The following RDH14 variants were observed in gnomAD, a reference collection of about 807,000 sequenced individuals.
The protein encoded by RDH14 is alcohol dehydrogenase PAN2.
Under a neutral mutation model 19.3 loss-of-function variants are expected in RDH14, and 17 were observed. The ratio of observed to expected loss-of-function variants is 0.88; its 90% CI spans 0.60 to 1.32. The LOEUF is 1.32. Ranked by LOEUF, RDH14 falls within the 40% of genes most tolerant of loss-of-function variation. The probability of loss-of-function intolerance (pLI) is 0.00; values close to 1 mark genes in which losing one functional copy is unlikely to be tolerated. For synonymous variants in RDH14, 215 were observed against 188.9 expected (o/e 1.14, Z -1.13); for missense variants, 534 against 449.2 (o/e 1.19, Z -1.71).
chr2:18,560,072 G>T, intron 1 of RDH14, 108 bp downstream of exon 1: 1 of 1,243,142 alleles, frequency 8.0e-7, no homozygotes, highest in Non-Finnish European at 1.1e-6. Flanking sequence ...TTCCCAAGGT[G>T]ACACCCTGAA....
intron 1 of RDH14, among the ~76,000 whole-genome samples, chr2:18,557,089 T>C (rs552503620): frequency 1.1e-4 from 16 of 152,326 alleles, no homozygotes; most frequent in African/African-American, 3.8e-4. Flanking sequence ...AACTTATGCT[T>C]CTGTATCTTT....
intron 1 of RDH14, among the ~76,000 whole-genome samples, chr2:18,558,188 C>T (rs1402831432): frequency 6.6e-6 from 1 of 152,164 alleles, no homozygotes; most frequent in Admixed American, 6.5e-5. Context: ...CTACCTAGAA[C>T]AGGAAATGAG....
At chr2:18,556,355 T>C (rs1180967343) in intron 1 of RDH14, among the ~76,000 whole-genome samples, 1 of 152,186 alleles carries the variant, frequency 6.6e-6, no homozygotes, top group Non-Finnish European at 1.5e-5. Flanking sequence ...TTGGGAGTTA[T>C]CAGGTTAATA....
Position 18,560,404 on chromosome 2 carries a change from G to T in RDH14, c.169C>A (p.Arg57Ser), listed in dbSNP as rs1664073799. The T allele has an allele frequency of 6.7e-7, 1 of 1,488,686 alleles. No homozygotes were observed. The allele number at this position is 1,488,686 out of a possible 1,614,324, so 92.2% of individuals were successfully genotyped here. A position where few individuals can be genotyped will look rare whatever the true frequency, so the allele number is the denominator to read the frequency against. Reference sequence around the variant, plus strand: ...CGCAGTAGCTCGGCGGCCGTGGCGCGGCCCAGGCCGCTGTTCGCCCCGGTG... The same window carrying T: ...CGCAGTAGCTCGGCGGCCGTGGCGCTGCCCAGGCCGCTGTTCGCCCCGGTG... ...LITGANSGLG[R>S]ATAAELLRLG... Residue 57 changes from arginine (R) to serine (S), a missense_variant, in exon 1 of 2, where the codon CGC (arginine) becomes AGC (serine). Arg to Ser is a moderately radical substitution (Grantham distance 110, BLOSUM62 -1). Transcript: ENST00000381249.
rs1664070446 is a variant in RDH14, at chr2:18,560,354, GC to G, written c.218del (p.Gly73AlafsTer38). On this transcript the variant is annotated frameshift_variant, in exon 1 of 2. Transcript: ENST00000381249. LOFTEE classifies it high-confidence loss of function. Reference protein sequence around the residue: ...LLRLGARVIMGCRDRARAEEA... With the variant: ...LLRLGARVIMXCRDRARAEEA... ...CCTCGGCGCGCGCGCGGTCCCGGCA[GC>G]CCATGATCACCCGCGCTCCCAGGCG... is the stretch of plus-strand genomic sequence containing the variant. 1 of 1,439,866 alleles carries G rather than the reference GC, an allele frequency of 6.9e-7. No individual in the cohort carries two copies. Among genetic ancestry groups the G allele is most frequent in the South Asian group, 1.4e-5 (1 of 70,400 alleles). 89.2% of individuals were successfully genotyped at this position (1,439,866 alleles called of 1,614,324 possible). A position where few individuals can be genotyped will look rare whatever the true frequency, so the allele number is the denominator to read the frequency against.
chr2:18,559,698 T>C (rs1179319256), intron 1 of RDH14, among the ~76,000 whole-genome samples: 4 of 152,104 alleles, frequency 2.6e-5, no homozygotes, highest in African/African-American at 9.7e-5. Flanking sequence ...AGCGAGCTCC[T>C]TACCCCAGCA....
In RDH14 at chr2:18,555,017, C is replaced by T. The variant is rs1663869460; in HGVS notation, c.*174G>A. Reference sequence around the variant, plus strand: ...TTTAAAACATCTTTGCTGAAATTCTCTTATCCCAAAAATAATTTTTCAGTA... The same window carrying T: ...TTTAAAACATCTTTGCTGAAATTCTTTTATCCCAAAAATAATTTTTCAGTA... On this transcript the variant is annotated 3_prime_UTR_variant, in exon 2 of 2. Coordinates refer to ENST00000381249, the MANE Select transcript of RDH14 (RefSeq NM_020905.4). The T allele has an allele frequency of 1.3e-5, 12 of 907,678 alleles. No homozygotes were observed. The highest frequency in any genetic ancestry group is 1.9e-5 in the Non-Finnish European group (12 of 630,846). 56.2% of individuals were successfully genotyped at this position (907,678 alleles called of 1,614,324 possible). A position where few individuals can be genotyped will look rare whatever the true frequency, so the allele number is the denominator to read the frequency against.
At chr2:18,558,571 G>A (rs1663987466) in intron 1 of RDH14, among the ~76,000 whole-genome samples, 1 of 152,192 alleles carries the variant, frequency 6.6e-6, no homozygotes. Context: ...AAACACTTCT[G>A]TTGAATTTCA....
chr2:18,556,459 G>A (rs990421781), intron 1 of RDH14, among the ~76,000 whole-genome samples: 1 of 152,100 alleles, frequency 6.6e-6, no homozygotes, highest in African/African-American at 2.4e-5. Context: ...GCTTCTATGA[G>A]CTTCCAATAA....
At position 18,560,447 on chromosome 2, in the gene RDH14, G is replaced by C; in HGVS notation, c.126C>G (p.His42Gln). 1 of 1,514,386 alleles carries C rather than the reference G, an allele frequency of 6.6e-7. No individual in the cohort carries two copies. The highest frequency in any genetic ancestry group is 8.8e-7 in the Non-Finnish European group (1 of 1,139,438). The allele number at this position is 1,514,386 out of a possible 1,614,324, so 93.8% of individuals were successfully genotyped here. A position where few individuals can be genotyped will look rare whatever the true frequency, so the allele number is the denominator to read the frequency against. The change falls in exon 1 of 2, where the codon CAC (histidine) becomes CAG (glutamine). Residue 42 changes from histidine to glutamine, a missense_variant. By Grantham distance (24) the His-to-Gln change is conservative. Coordinates refer to ENST00000381249, the MANE Select transcript of RDH14 (RefSeq NM_020905.4). ...CCCCGGTGATCAGCACAGTCTTCCC[G>C]TGCATGAGGCCGGGGTCCCCGCCTC... The part of the protein sequence containing the change: ...LRRGGDPGLM[H>Q]GKTVLITGAN...
rs769656429 is a variant in RDH14, at chr2:18,555,312, CCTT to C, written c.887_889del (p.Glu296del). The stretch of plus-strand genomic sequence containing the variant: ...ATCCCCAAAGTATCTTCCTGACACT[CCTT>C]CTACCTCAGGTGAAGAGGCCAAATA... On this transcript the variant is annotated inframe_deletion, in exon 2 of 2. Transcript: ENST00000381249. The C allele has an allele frequency of 1.2e-6, 2 of 1,614,114 alleles. No homozygotes were observed. Among genetic ancestry groups the C allele is most frequent in the Non-Finnish European group, 1.7e-6 (2 of 1,179,996 alleles).
intron 1 of RDH14, among the ~76,000 whole-genome samples, chr2:18,556,366 C>T (rs1663919425): frequency 6.6e-6 from 1 of 152,048 alleles, no homozygotes; most frequent in Admixed American, 6.6e-5. Context: ...CAGGTTAATA[C>T]TGAGATCATA....
rs779464218 is a variant in RDH14, at chr2:18,560,458, CG to C, written c.114del (p.Gly39AlafsTer9). 6.6e-7 allele frequency: 1 copy of C among 1,513,290 alleles called. No homozygotes were observed. The highest frequency in any genetic ancestry group is 8.8e-7 in the Non-Finnish European group (1 of 1,138,948). The allele number at this position is 1,513,290 out of a possible 1,614,324, so 93.7% of individuals were successfully genotyped here. ...AGCACAGTCTTCCCGTGCATGAGGC[CG>C]GGGTCCCCGCCTCTGCGCAGCCGCT... ...RVQRLRRGGD[P>X]GLMHGKTVLI... On this transcript the variant is annotated frameshift_variant, in exon 1 of 2. Coordinates refer to ENST00000381249, the MANE Select transcript of RDH14 (RefSeq NM_020905.4). LOFTEE classifies it high-confidence loss of function.
At chr2:18,555,946 G>A (rs546080133) in intron 1 of RDH14, 138 bp from the exon 2 acceptor site, 3 of 1,403,186 alleles carry the variant, frequency 2.1e-6, no homozygotes, top group African/African-American at 1.4e-5. Context: ...TTGGTCTATC[G>A]ATCAGAGAAC....
chr2:18,555,592 C>A lies in RDH14; in HGVS notation c.610G>T (p.Asp204Tyr), dbSNP rs1394953143. ...LYKYGDINFD[D>Y]LNSEQSYNKS... is the part of the protein sequence containing the mutation. ...TTATAGCTTTGTTCACTGTTCAAGT[C>A]ATCAAAATTGATGTCTCCGTATTTA... The change falls in exon 2 of 2, where the codon GAC becomes TAC. Residue 204 changes from aspartate to tyrosine, a missense_variant. Coordinates refer to ENST00000381249, the MANE Select transcript of RDH14 (RefSeq NM_020905.4). 1 of 1,614,058 alleles carries A rather than the reference C, an allele frequency of 6.2e-7. No homozygotes were observed. The highest frequency in any genetic ancestry group is 2.2e-5 in the East Asian group (1 of 44,874).
Position 18,560,582 on chromosome 2 carries a change from C to G in RDH14, c.-10G>C. Reference sequence around the variant, plus strand: ...CAGTGGCCACTGCCATCGTCAGGCCCGAGGGCCCACCGGCCCCTCCACGGG... The same window carrying G: ...CAGTGGCCACTGCCATCGTCAGGCCGGAGGGCCCACCGGCCCCTCCACGGG... On this transcript the variant is annotated 5_prime_UTR_variant, in exon 1 of 2. Transcript: ENST00000381249. 1 of 1,426,270 alleles carries G rather than the reference C, an allele frequency of 7.0e-7. No homozygotes were observed. The highest frequency in any genetic ancestry group is 3.0e-5 in the East Asian group (1 of 33,478). The allele number at this position is 1,426,270 out of a possible 1,614,324, so 88.4% of individuals were successfully genotyped here. A position where few individuals can be genotyped will look rare whatever the true frequency, so the allele number is the denominator to read the frequency against.
rs1385649550 is a variant in RDH14 at position 18,554,950 on chromosome 2, AT to A, written c.*240del. The A allele has an allele frequency of 2.4e-6, 1 of 413,454 alleles. No individual in the cohort carries two copies. Among genetic ancestry groups the A allele is most frequent in the Non-Finnish European group, 4.2e-6 (1 of 239,686 alleles). The allele number at this position is 413,454 out of a possible 1,614,324, so 25.6% of individuals were successfully genotyped here. A position where few individuals can be genotyped will look rare whatever the true frequency, so the allele number is the denominator to read the frequency against. On this transcript the variant is annotated 3_prime_UTR_variant, in exon 2 of 2. Transcript: ENST00000381249. ...AGTTATAATTTTACAATATAATTGT[AT>A]TTTTCATTGTACTTATTATTCATTA...
At position 18,555,069 on chromosome 2, in the gene RDH14, T is replaced by C; in HGVS notation, c.*122A>G. On this transcript the variant is annotated 3_prime_UTR_variant, in exon 2 of 2. Coordinates refer to ENST00000381249, the MANE Select transcript of RDH14 (RefSeq NM_020905.4). ...CTCCAAAATACCCACATGTACCTCT[T>C]AGCAGGCTATTCCAATATCAAAATT... 2 of 1,455,638 alleles carry C rather than the reference T, an allele frequency of 1.4e-6. No individual in the cohort carries two copies. Among genetic ancestry groups the C allele is most frequent in the Non-Finnish European group, 1.8e-6 (2 of 1,090,756 alleles). 90.2% of individuals were successfully genotyped at this position (1,455,638 alleles called of 1,614,324 possible).
In RDH14 at chr2:18,555,408, T is replaced by C. The variant is rs200669704; in HGVS notation, c.794A>G (p.Lys265Arg). 6 of 1,614,120 alleles carry C rather than the reference T, an allele frequency of 3.7e-6. No homozygotes were observed. Among genetic ancestry groups the C allele is most frequent in the Non-Finnish European group, 5.1e-6 (6 of 1,179,992 alleles). Residue 265 changes from lysine (K) to arginine (R), a missense_variant, in exon 2 of 2, where the codon AAA becomes AGA. Physicochemically the swap from Lys to Arg is conservative, Grantham distance 26. Transcript: ENST00000381249. Reference protein sequence around the residue: ...GRHIHIPLLVKPLFNLVSWAF... With the variant: ...GRHIHIPLLVRPLFNLVSWAF... ...CCATGACACCAAATTGAAGAGTGGT[T>C]TGACCAACAGTGGAATGTGTATGTG...
Sources: gnomAD v4.1 joint callset for allele counts (sites outside exome capture counted in the v4.1 genomes callset) on GRCh38, gnomAD v4.1.1 for gene constraint, MANE v1.5 for transcripts, NCBI Gene and HGNC (gene_info 2026-07-23, HGNC 2026-07-21) for gene names.